The following GABRA5 variants were observed in gnomAD, a reference collection of about 807,000 sequenced individuals.
The protein encoded by GABRA5 is gamma-aminobutyric acid type A receptor subunit alpha5.
A neutral mutation model predicts 47.3 loss-of-function variants in GABRA5; 18 were observed. The ratio of observed to expected loss-of-function variants is 0.38; its 90% CI spans 0.26 to 0.56. The LOEUF (loss-of-function observed/expected upper bound fraction) is 0.56, where lower values mean the gene tolerates loss of function less well. Among genes scored for constraint, GABRA5 ranks in the 20% least tolerant of loss-of-function variants. GABRA5 has a pLI of 0.71. For missense variants in GABRA5, 365 were observed against 599.3 expected, an observed-to-expected ratio of 0.61 and a Z score of 4.08; for synonymous variants, 237 against 229.3, an observed-to-expected ratio of 1.03 and a Z score of -0.30.
Position 26,880,954 on chromosome 15 carries a change from G to GC in GABRA5, c.198dup (p.Gly67ArgfsTer41). On this transcript the variant is annotated frameshift_variant, in exon 4 of 11. Transcript: ENST00000335625. LOFTEE classifies it high-confidence loss of function. ...TGGATGGCTACGACAACAGACTTCG[G>GC]CCCGGGCTGGGAGGTGAGTGTGCTC... 1 of 1,613,890 alleles carries GC rather than the reference G, an allele frequency of 6.2e-7. No homozygotes were observed. Among genetic ancestry groups the GC allele is most frequent in the Non-Finnish European group, 8.5e-7 (1 of 1,179,856 alleles).
intron 7 of GABRA5, among the ~76,000 whole-genome samples, chr15:26,917,220 T>C (rs989561766): frequency 6.6e-6 from 1 of 152,142 alleles, no homozygotes; most frequent in African/African-American, 2.4e-5. Context: ...TTTTCATATG[T>C]GGCATTTATC....
chr15:26,873,972 G>T (rs546546328), intron 3 of GABRA5, among the ~76,000 whole-genome samples: 1 of 152,316 alleles, frequency 6.6e-6, no homozygotes, highest in African/African-American at 2.4e-5. Flanking sequence ...TCAGTTATCT[G>T]CTTTATAAAG....
At chr15:26,885,044 C>G (rs1459125247) in intron 6 of GABRA5, among the ~76,000 whole-genome samples, 1 of 152,134 alleles carries the variant, frequency 6.6e-6, no homozygotes, top group Non-Finnish European at 1.5e-5. Flanking sequence ...CGCCTGTAAT[C>G]CCAGCACTTT....
intron 6 of GABRA5, among the ~76,000 whole-genome samples, chr15:26,893,819 C>T (rs1355011629): frequency 6.6e-6 from 1 of 151,958 alleles, no homozygotes; most frequent in Non-Finnish European, 1.5e-5. Flanking sequence ...AGAGGCTGGG[C>T]CAGGGGACCC....
At chr15:26,905,059 G>C (rs1893411358) in intron 6 of GABRA5, among the ~76,000 whole-genome samples, 1 of 152,108 alleles carries the variant, frequency 6.6e-6, no homozygotes, top group Admixed American at 6.5e-5. Flanking sequence ...AATTCTTCGA[G>C]CTTTTGCCCA....
At chr15:26,914,975 A>C in intron 7 of GABRA5, 90 bp downstream of exon 7, 1 of 958,754 alleles carries the variant, frequency 1.0e-6, no homozygotes, top group Non-Finnish European at 1.7e-6. Context: ...CTGCATATAC[A>C]TAAGCACAAT....
intron 8 of GABRA5, among the ~76,000 whole-genome samples, chr15:26,937,686 C>A (rs1029287084): frequency 6.6e-6 from 1 of 152,170 alleles, no homozygotes; most frequent in East Asian, 1.9e-4. Flanking sequence ...CAGAGATTTC[C>A]CTGGAGTTGA....
At chr15:26,875,458 A>C (rs997032612) in intron 3 of GABRA5, among the ~76,000 whole-genome samples, 14 of 152,172 alleles carry the variant, frequency 9.2e-5, no homozygotes, top group Non-Finnish European at 1.8e-4. Context: ...GTGTGCATGG[A>C]ATAAGTGTCA....
intron 7 of GABRA5, among the ~76,000 whole-genome samples, chr15:26,931,192 C>A (rs142525497): frequency 0.02 from 3,100 of 152,296 alleles, 103 homozygotes; most frequent in African/African-American, 0.072. Flanking sequence ...AGCCACTGCG[C>A]CCGGCCGCCA....
intron 7 of GABRA5, among the ~76,000 whole-genome samples, chr15:26,916,073 C>T (rs1039059791): frequency 2.0e-5 from 3 of 152,046 alleles, no homozygotes; most frequent in Non-Finnish European, 4.4e-5. Flanking sequence ...TTAATATTGC[C>T]ACACCAGTTT....
At chr15:26,872,500 A>T (rs1289454225) in intron 3 of GABRA5, among the ~76,000 whole-genome samples, 2 of 152,234 alleles carry the variant, frequency 1.3e-5, no homozygotes, top group African/African-American at 2.4e-5. Flanking sequence ...ACGTAATTCT[A>T]AAAGGTAGTA....
At chr15:26,938,640 C>T (rs191546461) in intron 8 of GABRA5, among the ~76,000 whole-genome samples, 5 of 152,302 alleles carry the variant, frequency 3.3e-5, no homozygotes, top group Admixed American at 3.3e-4. Context: ...CAGTAGAGAT[C>T]CAGTCCTTGC....
Position 26,943,327 on chromosome 15 carries a change from C to T in GABRA5, c.990C>T (p.Phe330=), listed in dbSNP as rs1417092187. The change falls in exon 10 of 11, where the codon TTC becomes TTT. Residue 330 remains phenylalanine, a synonymous_variant. Transcript: ENST00000335625. ...GGTTCATAGCCGTGTGCTATGCCTT[C>T]GTCTTCTCGGCGCTGATAGAGTTTG... ...MDWFIAVCYA[F]VFSALIEFAT... The T allele has an allele frequency of 4.4e-6, 7 of 1,592,678 alleles. No individual in the cohort carries two copies. Among genetic ancestry groups the T allele is most frequent in the South Asian group, 1.1e-5 (1 of 87,164 alleles).
chr15:26,939,245 C>T lies in GABRA5; in HGVS notation c.725-680C>T, dbSNP rs370850076. Reference sequence around the variant, plus strand: ...CGACCTCAGCTCCTTACCAGTTCACCGTGAGGACGGCATCATTCTCAGCAA... The same window carrying T: ...CGACCTCAGCTCCTTACCAGTTCACTGTGAGGACGGCATCATTCTCAGCAA... On this transcript the variant is annotated intron_variant, in intron 8 of 10. Transcript: ENST00000335625. 7.1e-5 allele frequency: 54 copies of T among 765,296 alleles called. No individual in the cohort carries two copies. The African/African-American group carries it at 7.3e-4, about 10-fold the overall frequency. The allele number at this position is 765,296 out of a possible 1,614,324, so 47.4% of individuals were successfully genotyped here.
At chr15:26,934,063 G>A (rs1007833748) in intron 7 of GABRA5, among the ~76,000 whole-genome samples, 7 of 151,850 alleles carry the variant, frequency 4.6e-5, no homozygotes, top group Non-Finnish European at 8.8e-5. Flanking sequence ...GACCAGCCTG[G>A]CCAACATGGC....
intron 6 of GABRA5, among the ~76,000 whole-genome samples, chr15:26,888,944 G>C (rs1363519817): frequency 2.0e-5 from 3 of 152,220 alleles, no homozygotes; most frequent in Non-Finnish European, 4.4e-5. Flanking sequence ...ACGTGGTTCT[G>C]CCTGGCTCAG....
chr15:26,917,727 T>G (rs995520435), intron 7 of GABRA5, among the ~76,000 whole-genome samples: 2 of 152,084 alleles, frequency 1.3e-5, no homozygotes, highest in African/African-American at 2.4e-5. Flanking sequence ...GATTATAGAT[T>G]CAACTTCCTT....
chr15:26,895,092 G>A (rs1216046943), intron 6 of GABRA5, among the ~76,000 whole-genome samples: 4 of 151,748 alleles, frequency 2.6e-5, no homozygotes, highest in African/African-American at 7.3e-5. Flanking sequence ...GCTCCTTTTC[G>A]TTCTTTCTCT....
intron 7 of GABRA5, among the ~76,000 whole-genome samples, chr15:26,930,552 G>A (rs1422407319): frequency 6.6e-6 from 1 of 152,146 alleles, no homozygotes; most frequent in East Asian, 1.9e-4. Flanking sequence ...CCAATAACAT[G>A]TTCCTCATTT....
Sources: gnomAD v4.1 joint callset for allele counts (sites outside exome capture counted in the v4.1 genomes callset) on GRCh38, gnomAD v4.1.1 for gene constraint, MANE v1.5 for transcripts, NCBI Gene and HGNC (gene_info 2026-07-23, HGNC 2026-07-21) for gene names.